The following SMARCA2 variants were observed in gnomAD, a reference collection of about 807,000 sequenced individuals.
SMARCA2 encodes SWI/SNF related BAF chromatin remodeling complex subunit ATPase 2.
In SMARCA2, 61 loss-of-function variants were observed where a neutral mutation model predicts 199.8. The ratio of observed to expected loss-of-function variants is 0.31; its 90% confidence interval spans 0.25 to 0.38. The LOEUF (loss-of-function observed/expected upper bound fraction) is 0.38, where lower values mean the gene tolerates loss of function less well. Ranked by LOEUF, SMARCA2 falls within the 10% of genes least tolerant of loss-of-function variation. SMARCA2 has a pLI of 1.00. For missense variants in SMARCA2, 1,344 were observed against 2,012.2 expected, an observed-to-expected ratio of 0.67 and a Z score of 6.35; for synonymous variants, 935 against 732.0, an observed-to-expected ratio of 1.28 and a Z score of -4.48.
Position 2,182,203 on chromosome 9 carries a change from C to G in SMARCA2, c.4422C>G (p.Leu1474=). 4 of 1,613,776 alleles carry G rather than the reference C, an allele frequency of 2.5e-6. No homozygotes were observed. In the South Asian group the frequency reaches 3.3e-5, roughly 13 times the overall value. The change falls in exon 31 of 34, where the codon CTC becomes CTG. Residue 1474 remains leucine, a synonymous_variant. Coordinates refer to ENST00000349721, the MANE Select transcript of SMARCA2 (RefSeq NM_003070.5). The part of the protein sequence containing the change: ...LGDLEKDVML[L]CHNAQTFNLE... Reference sequence around the variant, plus strand: ...ACCTGGAGAAGGATGTCATGCTTCTCTGTCACAACGCTCAGACGTTCAACC... The same window carrying G: ...ACCTGGAGAAGGATGTCATGCTTCTGTGTCACAACGCTCAGACGTTCAACC...
chr9:2,149,213 G>A (rs540052290), intron 27 of SMARCA2, among the ~76,000 whole-genome samples: 8 of 151,292 alleles, frequency 5.3e-5, no homozygotes, highest in Non-Finnish European at 8.9e-5. Flanking sequence ...GAAAATGAGA[G>A]AGATGCAAAA....
chr9:2,091,985 C>G (rs560867568), intron 19 of SMARCA2, among the ~76,000 whole-genome samples: 3 of 152,252 alleles, frequency 2.0e-5, no homozygotes, highest in African/African-American at 7.2e-5. Context: ...ACTTAATGAG[C>G]AAGGGAATAT....
intron 12 of SMARCA2, 93 bp downstream of exon 12, chr9:2,073,716 T>C: frequency 1.1e-6 from 1 of 891,178 alleles, no homozygotes; most frequent in South Asian, 1.5e-5. Flanking sequence ...TGGGTCCTTC[T>C]ATCATTTCTT....
At chr9:2,159,991 G>C in intron 27 of SMARCA2, 1 of 1,537,660 alleles carries the variant, frequency 6.5e-7, no homozygotes, top group Non-Finnish European at 8.8e-7. Flanking sequence ...CACATCAAAA[G>C]CCGGTGTTCT....
chr9:2,048,667 AT>A (rs946747355), intron 5 of SMARCA2, among the ~76,000 whole-genome samples: 3 of 152,076 alleles, frequency 2.0e-5, no homozygotes, highest in African/African-American at 7.2e-5. Context: ...AGATGTGTTT[AT>A]TTTTTTGGAT....
chr9:2,173,229 C>T (rs1418699408), intron 29 of SMARCA2, among the ~76,000 whole-genome samples: 1 of 152,098 alleles, frequency 6.6e-6, no homozygotes, highest in African/African-American at 2.4e-5. Context: ...GTTACCTGGC[C>T]CTGCATACAC....
chr9:2,189,111 CA>C (rs1827697595), intron 32 of SMARCA2, among the ~76,000 whole-genome samples: 2 of 152,214 alleles, frequency 1.3e-5, no homozygotes, highest in African/African-American at 2.4e-5. Flanking sequence ...AGACAATTAA[CA>C]GTCTAAAATT....
At chr9:2,187,780 C>CTATGTTTTACAGTATA (rs1554645518) in intron 32 of SMARCA2, among the ~76,000 whole-genome samples, 3 of 151,918 alleles carry the variant, frequency 2.0e-5, no homozygotes, top group Non-Finnish European at 4.4e-5. Flanking sequence ...GTACTAAAAC[C>CTATGTTTTACAGTATA]TATGTTTTAC....
intron 1 of SMARCA2, chr9:2,022,145 T>G (rs781145909): frequency 1.3e-5 from 2 of 152,236 alleles, no homozygotes; most frequent in Non-Finnish European, 2.9e-5. Context: ...TTATCCAATC[T>G]GTATTGGAGG....
In SMARCA2 at chr9:2,169,049, C is replaced by G. The variant is rs991426077; in HGVS notation, c.4200-1370C>G. 6.6e-6 allele frequency among the ~76,000 whole-genome samples: 1 copy of G among 152,230 alleles called. No homozygotes were observed. The highest frequency in any genetic ancestry group is 1.5e-5 in the Non-Finnish European group (1 of 68,044). On this transcript the variant is annotated intron_variant, in intron 28 of 33. Coordinates refer to ENST00000349721, the MANE Select transcript of SMARCA2 (RefSeq NM_003070.5). This position sits in a 1 kb window ranked among gnomAD's most constrained non-coding sequence, Gnocchi z 6.5. ...TCTGTGTCTCCTTGGTCAGCACCAT[C>G]ATTAGCCCAAGGTCCTAAAAGTGAA...
In SMARCA2 at chr9:2,060,974, G is replaced by A. The variant is rs747020539; in HGVS notation, c.1680G>A (p.Arg560=). ...CAGCCAAAGAGAAGAAGAAGAGGAG[G>A]AGGAGGAAGAAGGTGCGTATCCTAG... ...AQAAKEKKKR[R]RRKKKAEENA... The change falls in exon 9 of 34, where the codon AGG becomes AGA. Residue 560 remains arginine (R), a synonymous_variant. Transcript: ENST00000349721. The A allele has an allele frequency of 5.0e-6, 8 of 1,613,668 alleles. No homozygotes were observed. The African/African-American group carries it at 9.3e-5, about 19-fold the overall frequency.
At chr9:2,035,513 A>G (rs576578360) in intron 3 of SMARCA2, among the ~76,000 whole-genome samples, 1 of 152,276 alleles carries the variant, frequency 6.6e-6, no homozygotes, top group South Asian at 2.1e-4. Context: ...AATTGAGAGC[A>G]TTTTTACTTT....
rs779181733 is a variant in SMARCA2, at chr9:2,088,538, G to A, written c.2808G>A (p.Arg936=). 2.5e-6 allele frequency: 4 copies of A among 1,591,144 alleles called. No homozygotes were observed. The South Asian group carries it at 4.7e-5, about 19-fold the overall frequency. The change falls in exon 19 of 34, where the codon AGG becomes AGA. Residue 936 remains arginine, a synonymous_variant. Transcript: ENST00000349721. The part of the protein sequence containing the change: ...LNEEETILII[R]RLHKVLRPFL... ...AAGAAGAAACTATATTGATCATCAG[G>A]CGTCTACATAAGGTGTTAAGACCAT... is the stretch of plus-strand genomic sequence containing the variant.
Position 2,159,291 on chromosome 9 carries a change from C to G in SMARCA2, c.3982-2395C>G, listed in dbSNP as rs962647530. On this transcript the variant is annotated intron_variant, in intron 27 of 33. Transcript: ENST00000349721. ...GCATGAAACTGAAAGTGAAGTGTTA[C>G]AGTTGTTCTGAATTTTCTTTAAAGA... 1.4e-4 allele frequency: 49 copies of G among 348,338 alleles called. 1 individual carries two copies. The highest frequency in any genetic ancestry group is 4.2e-5 in the African/African-American group (2 of 47,480). The allele number at this position is 348,338 out of a possible 1,614,324, so 21.6% of individuals were successfully genotyped here. A position where few individuals can be genotyped will look rare whatever the true frequency, so the allele number is the denominator to read the frequency against.
At position 2,161,561 on chromosome 9, in the gene SMARCA2, C is replaced by CT. The variant is rs907959195; in HGVS notation, c.3982-117dup. On this transcript the variant is annotated intron_variant, in intron 27 of 33. Transcript: ENST00000349721. This position sits in a 1 kb window ranked among gnomAD's most constrained non-coding sequence, Gnocchi z 4.7. ...CTCCACTGATTACTGTTAACTTTTA[C>CT]TTTTTTTTGGTTAATTTCTTTCATT... 6.9e-5 allele frequency: 47 copies of CT among 677,210 alleles called. No homozygotes were observed. Among genetic ancestry groups the CT allele is most frequent in the African/African-American group, 2.7e-4 (15 of 55,144 alleles). 42.0% of individuals were successfully genotyped at this position (677,210 alleles called of 1,614,324 possible). A position where few individuals can be genotyped will look rare whatever the true frequency, so the allele number is the denominator to read the frequency against.
At chr9:2,131,519 A>G (rs745703244) in intron 27 of SMARCA2, among the ~76,000 whole-genome samples, 9 of 152,196 alleles carry the variant, frequency 5.9e-5, no homozygotes, top group Non-Finnish European at 1.2e-4. Context: ...TTCAAGAGGA[A>G]CTTTGCAGAA....
At chr9:2,167,590 C>G (rs1157030915) in intron 28 of SMARCA2, among the ~76,000 whole-genome samples, 1 of 152,168 alleles carries the variant, frequency 6.6e-6, no homozygotes, top group African/African-American at 2.4e-5. Context: ...CTCCTGCCTC[C>G]CTGACACTCT....
Position 2,110,581 on chromosome 9 carries a change from A to G in SMARCA2, c.3456+164A>G, listed in dbSNP as rs1962292. ...GCTGTTTTCTTATCTCCCTTAGAGC[A>G]TAGATACGAGGTCCCACATATGCCT... is the stretch of plus-strand genomic sequence containing the variant. On this transcript the variant is annotated intron_variant, in intron 24 of 33. Transcript: ENST00000349721. This position sits in a 1 kb window ranked among gnomAD's most constrained non-coding sequence, Gnocchi z 4.8. Among the ~76,000 whole-genome samples, 40,323 of 152,158 alleles carry G rather than the reference A, an allele frequency of 0.27. 5,610 individuals are homozygous for G. The highest frequency in any genetic ancestry group is 0.39 in the East Asian group (2,019 of 5,172).
chr9:2,086,794 C>G lies in SMARCA2; in HGVS notation c.2527-35C>G. On this transcript the variant is annotated intron_variant, in intron 17 of 33. Transcript: ENST00000349721. The surrounding 1 kb of genome is among the most constrained non-coding windows in gnomAD (Gnocchi z 4.3). The stretch of plus-strand genomic sequence containing the variant: ...TTGGAAATAGTTGTATTTTCCCTTG[C>G]TTACTACACGTCCGTCCTTCCTCTT... 1.9e-6 allele frequency: 3 copies of G among 1,611,518 alleles called. No individual in the cohort carries two copies. Among genetic ancestry groups the G allele is most frequent in the African/African-American group, 1.3e-5 (1 of 74,990 alleles).
Sources: gnomAD v4.1 joint callset for allele counts (sites outside exome capture counted in the v4.1 genomes callset) on GRCh38, gnomAD v4.1.1 for gene constraint, Gnocchi (gnomAD v3.1) non-coding constraint, MANE v1.5 for transcripts, NCBI Gene and HGNC (gene_info 2026-07-23, HGNC 2026-07-21) for gene names.